Variants in CLSTN3 observed in about 807,000 individuals in gnomAD.
The protein encoded by CLSTN3 is calsyntenin 3.
Under a neutral mutation model 95.9 loss-of-function variants are expected in CLSTN3, and 36 were observed. The ratio of observed to expected loss-of-function variants is 0.38; its 90% confidence interval spans 0.29 to 0.50. The LOEUF (loss-of-function observed/expected upper bound fraction) is 0.50. Ranked by LOEUF, CLSTN3 falls within the 20% of genes least tolerant of loss-of-function variation. CLSTN3 has a pLI of 0.95. For missense variants in CLSTN3, 1,084 were observed against 1,268.8 expected, an observed-to-expected ratio of 0.85 and a Z score of 2.21; for synonymous variants, 481 against 504.0, an observed-to-expected ratio of 0.95 and a Z score of 0.61.
At chr12:7,151,214 T>C in intron 16 of CLSTN3, 151 bp downstream of exon 16, 2 of 797,042 alleles carry the variant, frequency 2.5e-6, no homozygotes, top group East Asian at 6.0e-5. Flanking sequence ...TTGACAGCTA[T>C]GGACCAATCC....
chr12:7,151,783 C>T (rs1480317889), intron 16 of CLSTN3, among the ~76,000 whole-genome samples: 2 of 152,146 alleles, frequency 1.3e-5, no homozygotes, highest in Admixed American at 1.3e-4. Context: ...AGGCCAGGCA[C>T]AGTGGCTCAT....
At chr12:7,135,597 A>T in intron 4 of CLSTN3, 62 bp downstream of exon 4, 1 of 1,554,206 alleles carries the variant, frequency 6.4e-7, no homozygotes, top group African/African-American at 1.4e-5. Flanking sequence ...CTCCCTCAGG[A>T]CAACCCAGGG....
At chr12:7,134,093 C>G (rs925034121) in intron 3 of CLSTN3, among the ~76,000 whole-genome samples, 2 of 152,140 alleles carry the variant, frequency 1.3e-5, no homozygotes, top group Admixed American at 1.3e-4. Context: ...TGTGAAGATT[C>G]AAGGAGATGG....
chr12:7,144,015 C>T (rs375768689), intron 12 of CLSTN3, among the ~76,000 whole-genome samples: 2 of 152,070 alleles, frequency 1.3e-5, no homozygotes, highest in African/African-American at 4.8e-5. Context: ...AGATGGATCA[C>T]GAGGAGTTCA....
upstream of CLSTN3, chr12:7,130,273 A>T: frequency 1.5e-6 from 1 of 660,266 alleles, no homozygotes; most frequent in Non-Finnish European, 2.1e-6. Flanking sequence ...CCCCAGTCTC[A>T]TTGGCTCCCT....
intron 10 of CLSTN3, 127 bp downstream of exon 10, chr12:7,142,266 C>A: frequency 1.3e-6 from 1 of 747,222 alleles, no homozygotes; most frequent in South Asian, 1.8e-5. Flanking sequence ...GGCAGAGCCT[C>A]CAAGAAATAC....
intron 10 of CLSTN3, 21 bp from the exon 11 acceptor site, chr12:7,142,848 G>T: frequency 6.2e-7 from 1 of 1,609,230 alleles, no homozygotes; most frequent in South Asian, 1.1e-5. Flanking sequence ...CTCCCGTCCT[G>T]CTCCTGTGTT....
Position 7,157,974 on chromosome 12 carries a change from G to A in CLSTN3, c.2764G>A (p.Ala922Thr). The A allele has an allele frequency of 2.6e-6, 4 of 1,551,342 alleles. No homozygotes were observed. The highest frequency in any genetic ancestry group is 3.5e-6 in the Non-Finnish European group (4 of 1,146,992). Residue 922 changes from alanine (A) to threonine (T), a missense_variant, in exon 18 of 18, where the codon GCT becomes ACT. Physicochemically the swap from Ala to Thr is moderately conservative, Grantham distance 58. Transcript: ENST00000266546. The surrounding 1 kb of genome is among the most constrained non-coding windows in gnomAD (Gnocchi z 5.9). ...YQNRQSCVTG[A>T]VGGQQEDEDS... ...GAATCGGCAGTCCTGTGTGACGGGG[G>A]CTGTTGGGGGCCAGCAGGAGGATGA...
chr12:7,156,659 A>G (rs1396677653), intron 16 of CLSTN3: 1 of 456,838 alleles, frequency 2.2e-6, no homozygotes, highest in South Asian at 1.5e-5. Flanking sequence ...CTTCCTGAGC[A>G]TGTACCTGTG....
rs1287297084 is a variant in CLSTN3, at chr12:7,150,456, G to A, written c.2246-88G>A. On this transcript the variant is annotated intron_variant, in intron 14 of 17. Transcript: ENST00000266546. The surrounding 1 kb of genome is among the most constrained non-coding windows in gnomAD (Gnocchi z 4.0). ...GCTGACCTGCTCTACAGCTTGTGTGGCGTCAGCTGGTGGGAGTCCAGGAGA... is the reference window on the plus strand; with the variant it reads ...GCTGACCTGCTCTACAGCTTGTGTGACGTCAGCTGGTGGGAGTCCAGGAGA... 1 of 1,473,048 alleles carries A rather than the reference G, an allele frequency of 6.8e-7. No individual in the cohort carries two copies. The highest frequency in any genetic ancestry group is 9.2e-7 in the Non-Finnish European group (1 of 1,090,136). The allele number at this position is 1,473,048 out of a possible 1,614,324, so 91.2% of individuals were successfully genotyped here. A position where few individuals can be genotyped will look rare whatever the true frequency, so the allele number is the denominator to read the frequency against.
intron 12 of CLSTN3, among the ~76,000 whole-genome samples, chr12:7,145,026 C>T (rs777699714): frequency 1.3e-5 from 2 of 152,150 alleles, no homozygotes; most frequent in Non-Finnish European, 2.9e-5. Context: ...GGCATTGCCT[C>T]GTCCCCTCCA....
chr12:7,137,428 G>A lies in CLSTN3; in HGVS notation c.1210+318G>A, dbSNP rs1939447377. 2 of 356,322 alleles carry A rather than the reference G, an allele frequency of 5.6e-6. No individual in the cohort carries two copies. The highest frequency in any genetic ancestry group is 4.1e-5 in the Admixed American group (1 of 24,406). 22.1% of individuals were successfully genotyped at this position (356,322 alleles called of 1,614,324 possible). On this transcript the variant is annotated intron_variant, in intron 7 of 17. Coordinates refer to ENST00000266546, the MANE Select transcript of CLSTN3 (RefSeq NM_014718.4). The surrounding 1 kb of genome is among the most constrained non-coding windows in gnomAD (Gnocchi z 4.4). ...TCCATTAAAGCCCCTCCATTGCAAT[G>A]GGAAAGCCTGGGTAATGGTGTGCCC...
At chr12:7,132,091 C>T (rs1249075653) in intron 1 of CLSTN3, among the ~76,000 whole-genome samples, 2 of 152,036 alleles carry the variant, frequency 1.3e-5, no homozygotes, top group Non-Finnish European at 2.9e-5. Context: ...CCTCACCAGG[C>T]TGAATCTGGT....
At chr12:7,131,315 G>T in intron 1 of CLSTN3, 1 of 221,870 alleles carries the variant, frequency 4.5e-6, no homozygotes, top group East Asian at 1.1e-4. Flanking sequence ...GACAGACGGA[G>T]AGGGAGGACG....
chr12:7,135,695 C>A, intron 4 of CLSTN3, 109 bp from the exon 5 acceptor site: 6 of 1,420,762 alleles, frequency 4.2e-6, no homozygotes, highest in Non-Finnish European at 5.8e-6. Context: ...TTTTTCCCAG[C>A]GTCCTGCTGC....
At chr12:7,152,525 AC>A (rs1939741429) in intron 16 of CLSTN3, among the ~76,000 whole-genome samples, 1 of 152,210 alleles carries the variant, frequency 6.6e-6, no homozygotes, top group Non-Finnish European at 1.5e-5. Context: ...AGGTTGTGTC[AC>A]AGGCTTTTGA....
At chr12:7,130,210 T>C (rs1165004466), upstream of CLSTN3, 8 of 217,442 alleles carry the variant, frequency 3.7e-5, no homozygotes, top group South Asian at 4.6e-4. Context: ...GTTCCTCGGC[T>C]CCCCCAAAAT....
In CLSTN3 at chr12:7,150,940, C is replaced by A; in HGVS notation, c.2404C>A (p.His802Asn). The change falls in exon 16 of 18, where the codon CAC becomes AAC. Residue 802 changes from histidine to asparagine, a missense_variant. Transcript: ENST00000266546. This position sits in a 1 kb window ranked among gnomAD's most constrained non-coding sequence, Gnocchi z 4.0. ...NEFIVEVNVL[H>N]SMNRVAHPSH... ...TCCCTCTGCCCAGGTCAATGTCCTG[C>A]ACAGCATGAACCGGGTTGCCCACCC... is the stretch of plus-strand genomic sequence containing the variant. 1 of 1,607,018 alleles carries A rather than the reference C, an allele frequency of 6.2e-7. No individual in the cohort carries two copies. Among genetic ancestry groups the A allele is most frequent in the Non-Finnish European group, 8.5e-7 (1 of 1,175,726 alleles).
chr12:7,130,303 T>TCCCCCCC (rs1174430972), upstream of CLSTN3: 42 of 779,416 alleles, frequency 5.4e-5, no homozygotes, highest in South Asian at 2.8e-4. Flanking sequence ...CAGCACCTGG[T>TCCCCCCC]CCCCCCCCCT....
Sources: gnomAD v4.1 joint callset for allele counts (sites outside exome capture counted in the v4.1 genomes callset) on GRCh38, gnomAD v4.1.1 for gene constraint, Gnocchi (gnomAD v3.1) non-coding constraint, MANE v1.5 for transcripts, NCBI Gene and HGNC (gene_info 2026-07-23, HGNC 2026-07-21) for gene names.